Variants in SLC25A45 observed in about 807,000 individuals in gnomAD.
SLC25A45 encodes the protein methylated amino-acid transporter SLC25A45.
A neutral mutation model predicts 23.0 loss-of-function variants in SLC25A45; 22 were observed. The observed-to-expected ratio is 0.95, with a 90% CI of 0.68 to 1.36. The LOEUF (loss-of-function observed/expected upper bound fraction) is 1.36. Among genes scored for constraint, SLC25A45 ranks in the 40% most tolerant of loss-of-function variants. The probability of loss-of-function intolerance (pLI) is 0.00; values close to 1 mark genes in which losing one functional copy is unlikely to be tolerated. For synonymous variants in SLC25A45, 136 were observed against 155.0 expected (o/e 0.88, Z 0.91); for missense variants, 355 against 383.5 (o/e 0.93, Z 0.62).
chr11:65,380,164 A>G lies in SLC25A45; in HGVS notation c.49T>C (p.Leu17=). The part of the protein sequence containing the change: ...VAGWISGALG[L]VLGHPFDTVK... Reference sequence around the variant, plus strand: ...GTGTCAAACGGGTGTCCCAGGACCAAGCCCAGAGCGCCTGTGGTGACAAGA... The same window carrying G: ...GTGTCAAACGGGTGTCCCAGGACCAGGCCCAGAGCGCCTGTGGTGACAAGA... Residue 17 remains leucine (L), a synonymous_variant, in exon 3 of 7, where the codon TTG becomes CTG. Coordinates refer to ENST00000398802, the MANE Select transcript of SLC25A45 (RefSeq NM_182556.4). 1 of 1,614,174 alleles carries G rather than the reference A, an allele frequency of 6.2e-7. No homozygotes were observed. Among genetic ancestry groups the G allele is most frequent in the Non-Finnish European group, 8.5e-7 (1 of 1,180,004 alleles).
upstream of SLC25A45, chr11:65,383,682 C>T (rs1273562537): frequency 2.1e-5 from 3 of 143,074 alleles, no homozygotes; most frequent in Non-Finnish European, 3.0e-5. Flanking sequence ...CGCTTGAACC[C>T]GAGAGGCAGC....
intron 5 of SLC25A45, chr11:65,377,902 G>A (rs1855302652): frequency 6.6e-6 from 1 of 152,306 alleles, no homozygotes. Context: ...TTGCTTGTTT[G>A]TTTTGTGACA....
In SLC25A45 at chr11:65,379,399, C is replaced by T; in HGVS notation, c.316G>A (p.Gly106Ser). 6.2e-7 allele frequency: 1 copy of T among 1,611,532 alleles called. No homozygotes were observed. ...ACCTGCAGGAACCCCCCGGTGCAGC[C>T]CGCTAGGAAGATGTGCATGTAGCTG... ...PPSYMHIFLA[G>S]CTGGFLQAYC... Residue 106 changes from glycine to serine, a missense_variant, in exon 5 of 7, where the codon GGC becomes AGC. Gly to Ser is a moderately conservative substitution (Grantham distance 56). Coordinates refer to ENST00000398802, the MANE Select transcript of SLC25A45 (RefSeq NM_182556.4).
chr11:65,376,949 CG>C lies in SLC25A45; in HGVS notation c.466del (p.Arg156GlyfsTer15), dbSNP rs1855233409. On this transcript the variant is annotated frameshift_variant, in exon 6 of 7. Coordinates refer to ENST00000398802, the MANE Select transcript of SLC25A45 (RefSeq NM_182556.4). LOFTEE classifies it high-confidence loss of function. ...GAACAGCCCCCGGGGCCCCTCCTCC[CG>C]GAAGATGGAGGCTGCACAGTGCACG... ...GPVHCAASIF[R>X]EEGPRGLFRG... 5 of 1,612,826 alleles carry C rather than the reference CG, an allele frequency of 3.1e-6. No individual in the cohort carries two copies. The South Asian group carries it at 3.3e-5, about 11-fold the overall frequency.
chr11:65,379,177 T>C (rs564311087), intron 5 of SLC25A45, 199 bp downstream of exon 5: 30 of 612,128 alleles, frequency 4.9e-5, no homozygotes, highest in East Asian at 4.7e-4. Flanking sequence ...CCACCAGCTG[T>C]CTCTGCCTTT....
At position 65,382,061 on chromosome 11, in the gene SLC25A45, C is replaced by A; in HGVS notation, c.-18-92G>T. 9.9e-7 allele frequency: 1 copy of A among 1,006,336 alleles called. No homozygotes were observed. The highest frequency in any genetic ancestry group is 1.6e-6 in the Non-Finnish European group (1 of 635,288). The allele number at this position is 1,006,336 out of a possible 1,614,324, so 62.3% of individuals were successfully genotyped here. A position where few individuals can be genotyped will look rare whatever the true frequency, so the allele number is the denominator to read the frequency against. On this transcript the variant is annotated intron_variant, in intron 1 of 6. Coordinates refer to ENST00000398802, the MANE Select transcript of SLC25A45 (RefSeq NM_182556.4). The surrounding 1 kb of genome is among the most constrained non-coding windows in gnomAD (Gnocchi z 4.4). ...ACCTCCCACTAATGTTTAACCCTGG[C>A]GGGAAGGTGAGAATTGGCCTGGTGC...
chr11:65,380,421 C>T, intron 2 of SLC25A45: 5 of 980,236 alleles, frequency 5.1e-6, no homozygotes, highest in Non-Finnish European at 7.4e-6. Flanking sequence ...TGAGGATGCA[C>T]ACCCAAGAGG....
At chr11:65,380,578 C>T (rs1217365343) in intron 2 of SLC25A45, 11 of 1,299,906 alleles carry the variant, frequency 8.5e-6, no homozygotes, top group African/African-American at 1.5e-5. Flanking sequence ...ATAATGTCGT[C>T]GCCGGGATCC....
upstream of SLC25A45, chr11:65,383,391 C>T (rs1855663812): frequency 6.6e-6 from 1 of 152,466 alleles, no homozygotes; most frequent in Admixed American, 6.5e-5. Flanking sequence ...TCCCCAAAGA[C>T]TGGCCTCTCG....
At chr11:65,383,072 G>C (rs587807), upstream of SLC25A45, 1 of 152,620 alleles carries the variant, frequency 6.6e-6, no homozygotes, top group South Asian at 2.1e-4. Context: ...ATGTCAGCCA[G>C]CAGCATCAGC....
At chr11:65,380,240 C>T in intron 2 of SLC25A45, 65 bp from the exon 3 acceptor site, 1 of 1,612,670 alleles carries the variant, frequency 6.2e-7, no homozygotes, top group South Asian at 1.1e-5. Flanking sequence ...CAAGTCTGTG[C>T]CAAGAGGAAA....
In SLC25A45 at chr11:65,382,279, G is replaced by A; in HGVS notation, c.-19+207C>T. ...CCTGCCCCATGGTCGGGCCCCTCCA[G>A]GGCTGCCTTAGTCAGCAAGAGGCAA... On this transcript the variant is annotated intron_variant, in intron 1 of 6. Transcript: ENST00000398802. This position sits in a 1 kb window ranked among gnomAD's most constrained non-coding sequence, Gnocchi z 4.4. 1 of 411,276 alleles carries A rather than the reference G, an allele frequency of 2.4e-6. No individual in the cohort carries two copies. Among genetic ancestry groups the A allele is most frequent in the East Asian group, 4.5e-5 (1 of 22,042 alleles). 25.5% of individuals were successfully genotyped at this position (411,276 alleles called of 1,614,324 possible). A position where few individuals can be genotyped will look rare whatever the true frequency, so the allele number is the denominator to read the frequency against.
chr11:65,376,618 G>A lies in SLC25A45; in HGVS notation c.656C>T (p.Ala219Val). ...GGACTTGATCATGTCTAAGGGCGTG[G>A]CTGCCACCCAGGAAGCAATGCCTGC... ...GFAGIASWVA[A>V]TPLDMIKSRM... Residue 219 changes from alanine to valine, a missense_variant, in exon 7 of 7, where the codon GCC becomes GTC. Ala to Val is a moderately conservative substitution (Grantham distance 64, BLOSUM62 0). Coordinates refer to ENST00000398802, the MANE Select transcript of SLC25A45 (RefSeq NM_182556.4). The A allele has an allele frequency of 1.9e-6, 3 of 1,613,920 alleles. No individual in the cohort carries two copies. Among genetic ancestry groups the A allele is most frequent in the East Asian group, 2.2e-5 (1 of 44,894 alleles).
chr11:65,381,988 G>A lies in SLC25A45; in HGVS notation c.-18-19C>T. 1.9e-6 allele frequency: 3 copies of A among 1,584,534 alleles called. No homozygotes were observed. Among genetic ancestry groups the A allele is most frequent in the Non-Finnish European group, 2.6e-6 (3 of 1,153,070 alleles). ...GCGGGAACTGGTGGCTCCAGCAGAG[G>A]AGACAGAGTTGAATTCCCCCCTCTC... is the stretch of plus-strand genomic sequence containing the variant. On this transcript the variant is annotated intron_variant, in intron 1 of 6. Transcript: ENST00000398802.
chr11:65,375,689 G>A lies in SLC25A45; in HGVS notation c.*718C>T, dbSNP rs549320691. ...GGGAGGAGACATAGGGTTATCCTGG[G>A]TCATGGGGGAGAGAGCTTTGAAAGG... On this transcript the variant is annotated 3_prime_UTR_variant, in exon 7 of 7. Coordinates refer to ENST00000398802, the MANE Select transcript of SLC25A45 (RefSeq NM_182556.4). 1 of 152,540 alleles carries A rather than the reference G, an allele frequency of 6.6e-6. No homozygotes were observed. The highest frequency in any genetic ancestry group is 2.1e-4 in the South Asian group (1 of 4,828). The allele number at this position is 152,540 out of a possible 1,614,324, so 9.4% of individuals were successfully genotyped here.
chr11:65,383,522 C>A (rs2137838545), upstream of SLC25A45: 1 of 152,454 alleles, frequency 6.6e-6, no homozygotes, highest in South Asian at 2.1e-4. Flanking sequence ...CTTTGGGAGG[C>A]CGAGGCGGAA....
chr11:65,381,507 C>T (rs1855550938), intron 2 of SLC25A45: 1 of 198,450 alleles, frequency 5.0e-6, no homozygotes, highest in Non-Finnish European at 1.1e-5. Flanking sequence ...GATCCTCCTA[C>T]CTCAGCCTCG....
rs571650701 is a variant in SLC25A45, at chr11:65,379,974, TG to T, written c.82-37del. Reference sequence around the variant, plus strand: ...GGACAGAGCAGGTAGGGTGGCGGGATGGGCAGGTGGGCCAACCTTTCCCTCT... The same window carrying T: ...GGACAGAGCAGGTAGGGTGGCGGGATGGCAGGTGGGCCAACCTTTCCCTCT... On this transcript the variant is annotated intron_variant, in intron 3 of 6. Transcript: ENST00000398802. The T allele has an allele frequency of 2.5e-6, 4 of 1,612,268 alleles. No individual in the cohort carries two copies. In the South Asian group the frequency reaches 4.4e-5, roughly 18 times the overall value.
At chr11:65,380,748 G>A (rs919459133) in intron 2 of SLC25A45, 7 of 427,310 alleles carry the variant, frequency 1.6e-5, no homozygotes, top group Middle Eastern at 7.5e-4. Context: ...GGGGGAGGTC[G>A]CACCCCCAGG....
Sources: allele counts gnomAD v4.1 joint callset, GRCh38; gene constraint gnomAD v4.1.1; non-coding constraint Gnocchi (gnomAD v3.1); transcripts MANE v1.5; gene names NCBI Gene and HGNC (gene_info 2026-07-23, HGNC 2026-07-21).